KCND3: variants seen among roughly 807,000 people sequenced by gnomAD.
KCND3 encodes the protein A-type voltage-gated potassium channel KCND3.
A neutral mutation model predicts 51.1 loss-of-function variants in KCND3; 9 were observed. The observed-to-expected ratio is 0.18, with a 90% CI of 0.11 to 0.31. The LOEUF is 0.31. KCND3 is among the 10% of genes least tolerant of loss of function. The pLI is 1.00. For missense variants in KCND3, 526 were observed against 903.8 expected (o/e 0.58, Z 5.36); for synonymous variants, 349 against 368.0 (o/e 0.95, Z 0.59).
At position 111,775,860 on chromosome 1, in the gene KCND3, G is replaced by T; in HGVS notation, c.*217C>A. 6.2e-6 allele frequency: 2 copies of T among 323,496 alleles called. No homozygotes were observed. Among genetic ancestry groups the T allele is most frequent in the Non-Finnish European group, 5.9e-6 (1 of 168,862 alleles). 20.0% of individuals were successfully genotyped at this position (323,496 alleles called of 1,614,324 possible). Reference sequence around the variant, plus strand: ...TCCCTTCCTCTGGCCCCAGTGAGATGCAGTATCACAGGGCTATGTCCACGC... The same window carrying T: ...TCCCTTCCTCTGGCCCCAGTGAGATTCAGTATCACAGGGCTATGTCCACGC... On this transcript the variant is annotated 3_prime_UTR_variant, in exon 8 of 8. Transcript: ENST00000302127.
intron 2 of KCND3, among the ~76,000 whole-genome samples, chr1:111,931,520 C>T (rs1333834130): frequency 6.6e-6 from 1 of 152,158 alleles, no homozygotes; most frequent in African/African-American, 2.4e-5. Flanking sequence ...AGCAAAGATT[C>T]TAGAGCCTGG....
chr1:111,893,901 A>AG (rs1366973561), intron 2 of KCND3, among the ~76,000 whole-genome samples: 1 of 152,164 alleles, frequency 6.6e-6, no homozygotes, highest in Admixed American at 6.5e-5. Flanking sequence ...CTGCAGTTTG[A>AG]GGGAGAGGGG....
intron 2 of KCND3, among the ~76,000 whole-genome samples, chr1:111,932,313 T>C (rs2101864336): frequency 6.6e-6 from 1 of 152,306 alleles, no homozygotes; most frequent in East Asian, 1.9e-4. Flanking sequence ...TTATCCTGCC[T>C]CCCACAAGGG....
At chr1:111,873,928 T>G (rs1668939839) in intron 2 of KCND3, among the ~76,000 whole-genome samples, 1 of 152,034 alleles carries the variant, frequency 6.6e-6, no homozygotes, top group Admixed American at 6.6e-5. Flanking sequence ...GTAGGTTTAA[T>G]TCTTGGGCTA....
intron 2 of KCND3, among the ~76,000 whole-genome samples, chr1:111,893,642 C>T (rs889220447): frequency 1.8e-4 from 28 of 152,168 alleles, no homozygotes; most frequent in African/African-American, 5.8e-4. Flanking sequence ...TAGGTGCTCC[C>T]TGGGGGCCAG....
At position 111,774,052 on chromosome 1, in the gene KCND3, ACTC is replaced by A. The variant is rs1271626739; in HGVS notation, c.*2022_*2024del. On this transcript the variant is annotated 3_prime_UTR_variant, in exon 8 of 8. Transcript: ENST00000302127. ...CCACATTAGGGGACCCAGAGAAAGA[ACTC>A]AGCCCATGGTCAATGAGGATAAGCA... 2.6e-5 allele frequency: 4 copies of A among 152,220 alleles called. No individual in the cohort carries two copies. The highest frequency in any genetic ancestry group is 9.7e-5 in the African/African-American group (4 of 41,426). The allele number at this position is 152,220 out of a possible 1,614,324, so 9.4% of individuals were successfully genotyped here. A position where few individuals can be genotyped will look rare whatever the true frequency, so the allele number is the denominator to read the frequency against.
In KCND3 at chr1:111,981,437, G is replaced by A. The variant is rs900975039; in HGVS notation, c.1106+184C>T. 6.6e-6 allele frequency among the ~76,000 whole-genome samples: 1 copy of A among 152,098 alleles called. No individual in the cohort carries two copies. Among genetic ancestry groups the A allele is most frequent in the Non-Finnish European group, 1.5e-5 (1 of 68,018 alleles). On this transcript the variant is annotated intron_variant, in intron 2 of 7. Coordinates refer to ENST00000302127, the MANE Select transcript of KCND3 (RefSeq NM_001378969.1). This position sits in a 1 kb window ranked among gnomAD's most constrained non-coding sequence, Gnocchi z 6.2. ...AAAAAGAAAACTCAATTCCCAGCAA[G>A]CTACCACCCCCAAACAGATGACTCA...
At chr1:111,868,836 C>A (rs1441765915) in intron 2 of KCND3, among the ~76,000 whole-genome samples, 1 of 152,134 alleles carries the variant, frequency 6.6e-6, no homozygotes, top group Non-Finnish European at 1.5e-5. Context: ...CCTGGGCTCA[C>A]GTGATCCTCC....
chr1:111,906,078 G>A (rs1037016333), intron 2 of KCND3, among the ~76,000 whole-genome samples: 1 of 152,218 alleles, frequency 6.6e-6, no homozygotes, highest in African/African-American at 2.4e-5. Context: ...CCTGGGGGCT[G>A]TGAGCCCCAG....
chr1:111,871,458 G>T (rs1668824713), intron 2 of KCND3, among the ~76,000 whole-genome samples: 1 of 152,210 alleles, frequency 6.6e-6, no homozygotes, highest in African/African-American at 2.4e-5. Context: ...GAGTCAGCTT[G>T]TGTGACAGGA....
intron 2 of KCND3, among the ~76,000 whole-genome samples, chr1:111,973,165 C>T (rs1401721456): frequency 6.6e-6 from 1 of 152,190 alleles, no homozygotes; most frequent in Non-Finnish European, 1.5e-5. Flanking sequence ...TTTGCATTTA[C>T]AGTCTTTCAA....
chr1:111,924,564 C>A (rs1671616631), intron 2 of KCND3, among the ~76,000 whole-genome samples: 1 of 152,216 alleles, frequency 6.6e-6, no homozygotes, highest in African/African-American at 2.4e-5. Context: ...AGAGCCATCC[C>A]AGCACAATGG....
At chr1:111,843,965 C>T (rs1301497863) in intron 2 of KCND3, among the ~76,000 whole-genome samples, 1 of 152,158 alleles carries the variant, frequency 6.6e-6, no homozygotes, top group Non-Finnish European at 1.5e-5. Context: ...CTTCCCCTTT[C>T]TCCACCTTCC....
intron 2 of KCND3, among the ~76,000 whole-genome samples, chr1:111,852,452 C>T (rs1196922983): frequency 2.0e-5 from 3 of 152,316 alleles, no homozygotes; most frequent in African/African-American, 7.2e-5. Context: ...ATAAGCCTGG[C>T]CCAGACAGCT....
chr1:111,800,053 C>T (rs1665231992), intron 2 of KCND3, among the ~76,000 whole-genome samples: 1 of 150,648 alleles, frequency 6.6e-6, no homozygotes, highest in South Asian at 2.1e-4. Flanking sequence ...CCCAACAGCT[C>T]ATTGAGAACG....
chr1:111,918,755 T>A (rs1250816799), intron 2 of KCND3, among the ~76,000 whole-genome samples: 1 of 152,124 alleles, frequency 6.6e-6, no homozygotes, highest in Non-Finnish European at 1.5e-5. Context: ...TGGGAAGTAC[T>A]TTTCCAGGCT....
At chr1:111,940,410 G>C (rs1166708467) in intron 2 of KCND3, among the ~76,000 whole-genome samples, 3 of 152,114 alleles carry the variant, frequency 2.0e-5, no homozygotes, top group Non-Finnish European at 4.4e-5. Flanking sequence ...TGTATAAGGT[G>C]TAAGGAAGGG....
At chr1:111,835,551 G>A (rs1213044118) in intron 2 of KCND3, among the ~76,000 whole-genome samples, 5 of 152,078 alleles carry the variant, frequency 3.3e-5, no homozygotes, top group Non-Finnish European at 5.9e-5. Flanking sequence ...AAACCAAGAT[G>A]GCAATGAAAG....
At chr1:111,901,311 A>C (rs972913670) in intron 2 of KCND3, among the ~76,000 whole-genome samples, 3 of 152,236 alleles carry the variant, frequency 2.0e-5, no homozygotes, top group African/African-American at 7.2e-5. Flanking sequence ...AGAATTGGTG[A>C]GATCCCATGC....
Sources: allele counts gnomAD v4.1 joint callset (sites outside exome capture counted in the v4.1 genomes callset), GRCh38; gene constraint gnomAD v4.1.1; non-coding constraint Gnocchi (gnomAD v3.1); transcripts MANE v1.5; gene names NCBI Gene and HGNC (gene_info 2026-07-23, HGNC 2026-07-21).